Variants in PARD3 observed in about 807,000 individuals in gnomAD.
PARD3 encodes partitioning defective 3 homolog.
Under a neutral mutation model 155.4 loss-of-function variants are expected in PARD3, and 75 were observed. That is an observed-to-expected ratio of 0.48 (90% CI 0.40 to 0.58). The LOEUF is 0.58. PARD3 is among the 20% of genes least tolerant of loss of function. The pLI, the probability that PARD3 is intolerant of heterozygous loss-of-function variation, is 0.00. For missense variants in PARD3, 1,642 were observed against 1,721.7 expected (o/e 0.95, Z 0.82); for synonymous variants, 576 against 610.5 (o/e 0.94, Z 0.83).
intron 1 of PARD3, among the ~76,000 whole-genome samples, chr10:34,754,020 A>ATT (rs796321184): frequency 1.6e-4 from 23 of 145,876 alleles, no homozygotes; most frequent in South Asian, 6.6e-4. Context: ...GGTTTTATTT[A>ATT]TTTTTTTTTT....
At chr10:34,167,441 GTT>G (rs1371656013) in intron 22 of PARD3, among the ~76,000 whole-genome samples, 1 of 151,688 alleles carries the variant, frequency 6.6e-6, no homozygotes, top group Non-Finnish European at 1.5e-5. Context: ...GCACTGCGTG[GTT>G]TTCGTGAAAA....
chr10:34,530,728 T>C (rs2082788752), intron 2 of PARD3, among the ~76,000 whole-genome samples: 1 of 152,236 alleles, frequency 6.6e-6, no homozygotes, highest in Admixed American at 6.5e-5. Context: ...GCACCTTCAT[T>C]GGTAATTCTT....
At chr10:34,339,289 G>A (rs1379266631) in intron 16 of PARD3, among the ~76,000 whole-genome samples, 8 of 151,880 alleles carry the variant, frequency 5.3e-5, no homozygotes, top group South Asian at 2.1e-4. Context: ...CCTGGGAGGC[G>A]GAGCTTGCAG....
intron 16 of PARD3, among the ~76,000 whole-genome samples, chr10:34,341,243 T>C (rs1836796025): frequency 6.6e-6 from 1 of 150,616 alleles, no homozygotes; most frequent in Non-Finnish European, 1.5e-5. Context: ...ACACATCAAC[T>C]CTTAGTTTTG....
chr10:34,628,863 G>A (rs751326282), intron 2 of PARD3, among the ~76,000 whole-genome samples: 3 of 152,290 alleles, frequency 2.0e-5, no homozygotes, highest in South Asian at 2.1e-4. Flanking sequence ...AAAATTCCAC[G>A]CATTACAGAG....
At chr10:34,506,855 AAAG>A (rs1473930984) in intron 3 of PARD3, among the ~76,000 whole-genome samples, 2 of 152,360 alleles carry the variant, frequency 1.3e-5, no homozygotes, top group Admixed American at 6.5e-5. Flanking sequence ...TATCAGTGAA[AAAG>A]AAGATTTTAT....
intron 1 of PARD3, among the ~76,000 whole-genome samples, chr10:34,769,799 C>CAAAAAAAAAAAAA (rs372925164): frequency 7.5e-5 from 5 of 66,604 alleles, no homozygotes; most frequent in South Asian, 3.2e-4. Context: ...AACAAAAAAA[C>CAAAAAAAAAAAAA]AAAACAAAAA....
intron 1 of PARD3, among the ~76,000 whole-genome samples, chr10:34,703,220 A>C (rs953535031): frequency 2.1e-5 from 3 of 144,630 alleles, no homozygotes; most frequent in Non-Finnish European, 3.0e-5. Flanking sequence ...CCATCTGTAC[A>C]AAAAAAAAAA....
intron 2 of PARD3, among the ~76,000 whole-genome samples, chr10:34,612,274 A>G (rs1019524824): frequency 1.3e-5 from 2 of 152,184 alleles, no homozygotes; most frequent in African/African-American, 4.8e-5. Context: ...TTTAATATGA[A>G]AAATAATAAT....
rs1417119417 is a variant in PARD3, at chr10:34,707,573, T to C, written c.121-11154A>G. On this transcript the variant is annotated intron_variant, in intron 1 of 24. Transcript: ENST00000374788. Reference sequence around the variant, plus strand: ...GGCGAGAAGAGATCAGAGAGGAAGCTGAAACACCTTGTGCCTCTTCTATAC... The same window carrying C: ...GGCGAGAAGAGATCAGAGAGGAAGCCGAAACACCTTGTGCCTCTTCTATAC... Among the ~76,000 whole-genome samples the C allele has an allele frequency of 3.3e-5, 5 of 152,224 alleles. No homozygotes were observed. The East Asian group carries it at 7.7e-4, about 23-fold the overall frequency.
Position 34,111,512 on chromosome 10 carries a change from T to C in PARD3, c.3719A>G (p.Asn1240Ser), listed in dbSNP as rs1946378824. 1 of 1,613,152 alleles carries C rather than the reference T, an allele frequency of 6.2e-7. No individual in the cohort carries two copies. The highest frequency in any genetic ancestry group is 8.5e-7 in the Non-Finnish European group (1 of 1,179,424). Residue 1240 changes from asparagine (N) to serine (S), a missense_variant, in exon 25 of 25, where the codon AAC becomes AGC. Transcript: ENST00000374788. ...SSVSQDSWEQ[N>S]YSPGEGFQSA... ...CTGGAAGCCTTCCCCAGGGGAGTAGTTCTGCTCCCAAGAGTCCTGGGAGAC... is the reference window on the plus strand; with the variant it reads ...CTGGAAGCCTTCCCCAGGGGAGTAGCTCTGCTCCCAAGAGTCCTGGGAGAC...
intron 22 of PARD3, among the ~76,000 whole-genome samples, chr10:34,257,639 C>T (rs754300550): frequency 5.3e-5 from 8 of 152,186 alleles, no homozygotes; most frequent in Non-Finnish European, 1.2e-4. Context: ...TGCCTGCTAA[C>T]GACCAAAGTC....
At chr10:34,413,142 T>TACACACACACACACACACACACAC (rs1336586740) in intron 5 of PARD3, among the ~76,000 whole-genome samples, 4 of 132,462 alleles carry the variant, frequency 3.0e-5, no homozygotes, top group African/African-American at 1.0e-4. Context: ...TTCAGATATA[T>TACACACACACACACACACACACAC]ATACACACAC....
chr10:34,369,082 T>G (rs776878819), intron 12 of PARD3, among the ~76,000 whole-genome samples: 44 of 152,088 alleles, frequency 2.9e-4, no homozygotes, highest in Admixed American at 2.0e-3. Flanking sequence ...CCCTGCAGAT[T>G]CTGGTGTCAG....
intron 5 of PARD3, among the ~76,000 whole-genome samples, chr10:34,443,776 TA>T: frequency 6.6e-6 from 1 of 152,268 alleles, no homozygotes; most frequent in South Asian, 2.1e-4. Context: ...ATATTGTTTA[TA>T]ATGCATAAAT....
chr10:34,725,491 G>T (rs530066766), intron 1 of PARD3, among the ~76,000 whole-genome samples: 1 of 152,158 alleles, frequency 6.6e-6, no homozygotes, highest in South Asian at 2.1e-4. Context: ...ATAGCTCAAG[G>T]CATTCAGTCA....
At chr10:34,244,510 C>T (rs994528484) in intron 22 of PARD3, among the ~76,000 whole-genome samples, 1 of 152,000 alleles carries the variant, frequency 6.6e-6, no homozygotes, top group African/African-American at 2.4e-5. Flanking sequence ...TATATCATGA[C>T]CACTGGCTTA....
chr10:34,723,331 T>C (rs927023222), intron 1 of PARD3, among the ~76,000 whole-genome samples: 1 of 152,176 alleles, frequency 6.6e-6, no homozygotes, highest in African/African-American at 2.4e-5. Context: ...CTTGAAAGGT[T>C]AGAGGATGCC....
intron 1 of PARD3, among the ~76,000 whole-genome samples, chr10:34,769,104 T>C (rs1001014858): frequency 5.9e-5 from 9 of 152,190 alleles, no homozygotes; most frequent in African/African-American, 2.2e-4. Context: ...CAGCAAACCT[T>C]CACCCTCCAC....
Sources: gnomAD v4.1 joint callset for allele counts (sites outside exome capture counted in the v4.1 genomes callset) on GRCh38, gnomAD v4.1.1 for gene constraint, MANE v1.5 for transcripts, NCBI Gene and HGNC (gene_info 2026-07-23, HGNC 2026-07-21) for gene names.